Variants in KCNG2 observed in about 807,000 individuals in gnomAD.
KCNG2 encodes voltage-gated potassium channel regulatory subunit KCNG2.
In KCNG2, 7 loss-of-function variants were observed where a neutral mutation model predicts 12.3. The ratio of observed to expected loss-of-function variants is 0.57; its 90% CI spans 0.32 to 1.07. KCNG2 has a LOEUF of 1.07. KCNG2 is among the 50% of genes least tolerant of loss of function. The pLI is 0.04. For synonymous variants in KCNG2, 414 were observed against 351.4 expected (o/e 1.18, Z -1.99); for missense variants, 703 against 726.0 (o/e 0.97, Z 0.36).
chr18:79,891,405 A>G (rs1980739721), intron 3 of KCNG2, among the ~76,000 whole-genome samples: 2 of 151,792 alleles, frequency 1.3e-5, no homozygotes, highest in South Asian at 4.2e-4. Flanking sequence ...TAATTTTTGT[A>G]TGTCTCGTAG....
chr18:79,864,067 C>A lies in KCNG2; in HGVS notation c.400C>A (p.Arg134Ser). The A allele has an allele frequency of 9.3e-7, 1 of 1,079,502 alleles. No individual in the cohort carries two copies. Among genetic ancestry groups the A allele is most frequent in the South Asian group, 4.4e-5 (1 of 22,816 alleles). 66.9% of individuals were successfully genotyped at this position (1,079,502 alleles called of 1,614,324 possible). The change falls in exon 3 of 4, where the codon CGC becomes AGC. Residue 134 changes from arginine to serine, a missense_variant. Transcript: ENST00000316249. ...CCGCGAGGAGGAGGCGGCCGAGGCCCGCGCGGGGCCGACGGAGCGCGGGGC... is the reference window on the plus strand; with the variant it reads ...CCGCGAGGAGGAGGCGGCCGAGGCCAGCGCGGGGCCGACGGAGCGCGGGGC... Reference protein sequence around the residue: ...RRREEEAAEARAGPTERGAQG... With the variant: ...RRREEEAAEASAGPTERGAQG...
chr18:79,875,445 G>C lies in KCNG2; in HGVS notation c.624+11154G>C, dbSNP rs114632834. On this transcript the variant is annotated intron_variant, in intron 3 of 3. Transcript: ENST00000316249. ...CTGAACCTCCACATACAAAGAGATTGTTTCCCTAAATCTCAGGGTCTTCAT... is the reference window on the plus strand; with the variant it reads ...CTGAACCTCCACATACAAAGAGATTCTTTCCCTAAATCTCAGGGTCTTCAT... 3.5e-3 allele frequency among the ~76,000 whole-genome samples: 533 copies of C among 152,296 alleles called. 3 individuals carry two copies. Among genetic ancestry groups the C allele is most frequent in the African/African-American group, 0.012 (517 of 41,568 alleles).
chr18:79,800,637 C>G lies in KCNG2; in HGVS notation c.-115+2623C>G, dbSNP rs531536919. Among the ~76,000 whole-genome samples, 18 of 152,216 alleles carry G rather than the reference C, an allele frequency of 1.2e-4. No individual in the cohort carries two copies. The highest frequency in any genetic ancestry group is 2.1e-4 in the Non-Finnish European group (14 of 68,040). ...TGGTGTCGGAGAAACAGCACTGGCT[C>G]CTTCACAGCCGCGGCTTTCCGGCAG... On this transcript the variant is annotated intron_variant, in intron 1 of 3. Transcript: ENST00000316249. The surrounding 1 kb of genome is among the most constrained non-coding windows in gnomAD (Gnocchi z 4.0).
rs748333709 is a variant in KCNG2, at chr18:79,899,385, C to T, written c.970C>T (p.Leu324=). The change falls in exon 4 of 4, where the codon CTG becomes TTG. Residue 324 remains leucine (L), a synonymous_variant. Transcript: ENST00000316249. ...TMRRCAREFG[L]LLLFLCVAMA... is the part of the protein sequence containing the mutation. Reference sequence around the variant, plus strand: ...GCGCCGCTGCGCGCGCGAGTTCGGGCTGCTGCTGCTGTTCCTCTGCGTGGC... The same window carrying T: ...GCGCCGCTGCGCGCGCGAGTTCGGGTTGCTGCTGCTGTTCCTCTGCGTGGC... 8 of 1,566,166 alleles carry T rather than the reference C, an allele frequency of 5.1e-6. No homozygotes were observed. In the Admixed American group the frequency reaches 9.2e-5, roughly 18 times the overall value.
chr18:79,854,858 A>AT (rs1225165579), intron 1 of KCNG2, among the ~76,000 whole-genome samples: 2 of 151,892 alleles, frequency 1.3e-5, no homozygotes, highest in Non-Finnish European at 2.9e-5. Flanking sequence ...ACTTTTGGTG[A>AT]TTTTACTTTC....
chr18:79,879,756 C>T (rs920560954), intron 3 of KCNG2, among the ~76,000 whole-genome samples: 5 of 152,094 alleles, frequency 3.3e-5, no homozygotes, highest in Non-Finnish European at 7.4e-5. Context: ...CCAACCAGTG[C>T]ACGAATCCCC....
chr18:79,890,636 C>A (rs889769263), intron 3 of KCNG2, among the ~76,000 whole-genome samples: 1 of 152,168 alleles, frequency 6.6e-6, no homozygotes, highest in African/African-American at 2.4e-5. Context: ...GACAAGACAT[C>A]GTTCTTTCTG....
rs948006539 is a variant in KCNG2, at chr18:79,884,524, T to C, written c.625-14516T>C. Among the ~76,000 whole-genome samples, 3 of 151,442 alleles carry C rather than the reference T, an allele frequency of 2.0e-5. No individual in the cohort carries two copies. Among genetic ancestry groups the C allele is most frequent in the Non-Finnish European group, 2.9e-5 (2 of 67,858 alleles). ...GGAGAGCCAGGCTGTGATGTCCCGATGCAGTGGAGGAGCAGGGCTGGGTCT... is the reference window on the plus strand; with the variant it reads ...GGAGAGCCAGGCTGTGATGTCCCGACGCAGTGGAGGAGCAGGGCTGGGTCT... On this transcript the variant is annotated intron_variant, in intron 3 of 3. Coordinates refer to ENST00000316249, the MANE Select transcript of KCNG2 (RefSeq NM_012283.2). This position sits in a 1 kb window ranked among gnomAD's most constrained non-coding sequence, Gnocchi z 5.5.
chr18:79,863,652 C>A lies in KCNG2; in HGVS notation c.-16C>A. 8.3e-7 allele frequency: 1 copy of A among 1,211,926 alleles called. No individual in the cohort carries two copies. The highest frequency in any genetic ancestry group is 3.4e-5 in the East Asian group (1 of 29,506). The allele number at this position is 1,211,926 out of a possible 1,614,324, so 75.1% of individuals were successfully genotyped here. A position where few individuals can be genotyped will look rare whatever the true frequency, so the allele number is the denominator to read the frequency against. On this transcript the variant is annotated 5_prime_UTR_variant, in exon 3 of 4. Coordinates refer to ENST00000316249, the MANE Select transcript of KCNG2 (RefSeq NM_012283.2). ...GGAGCCGGGCAGGAGCCCCTCGGTCCGGTCCGGCCCTGCGCATGGAGCCAT... is the reference window on the plus strand; with the variant it reads ...GGAGCCGGGCAGGAGCCCCTCGGTCAGGTCCGGCCCTGCGCATGGAGCCAT...
intron 3 of KCNG2, among the ~76,000 whole-genome samples, chr18:79,879,881 G>A (rs547761348): frequency 7.9e-5 from 12 of 152,274 alleles, no homozygotes; most frequent in African/African-American, 2.9e-4. Flanking sequence ...CCCACCAAAG[G>A]CAGGACAGGA....
At chr18:79,823,574 A>G (rs2087588331) in intron 1 of KCNG2, among the ~76,000 whole-genome samples, 1 of 151,768 alleles carries the variant, frequency 6.6e-6, no homozygotes, top group Admixed American at 6.6e-5. Context: ...CATGTTTTCC[A>G]TACGTGTGAG....
intron 3 of KCNG2, among the ~76,000 whole-genome samples, chr18:79,893,074 G>A (rs11081571): frequency 0.9 from 136,303 of 150,736 alleles, 63,162 homozygotes; most frequent in East Asian, 1. Context: ...TGGGTTGTTC[G>A]CTCCATTCAC....
intron 1 of KCNG2, among the ~76,000 whole-genome samples, chr18:79,837,316 G>T (rs967782320): frequency 6.6e-6 from 1 of 152,212 alleles, no homozygotes; most frequent in Non-Finnish European, 1.5e-5. Context: ...GCTTTGCAGG[G>T]CACAGCCCCC....
intron 3 of KCNG2, among the ~76,000 whole-genome samples, chr18:79,878,304 G>GC (rs397933648): frequency 0.037 from 1,824 of 48,840 alleles, 127 homozygotes; most frequent in East Asian, 0.16. Flanking sequence ...GGCACCTGAT[G>GC]CCACGTGGCA....
rs146429426 is a variant in KCNG2 at position 79,891,136 on chromosome 18, G to A, written c.625-7904G>A. 4.5e-3 allele frequency among the ~76,000 whole-genome samples: 684 copies of A among 152,100 alleles called. 5 individuals carry two copies. Among genetic ancestry groups the A allele is most frequent in the African/African-American group, 0.015 (633 of 41,500 alleles). ...ACTTTTGTTTTCCCAGTTGTCTTAG[G>A]GTGGAGTGTGAGCTTATTAATTTGA... On this transcript the variant is annotated intron_variant, in intron 3 of 3. Coordinates refer to ENST00000316249, the MANE Select transcript of KCNG2 (RefSeq NM_012283.2).
intron 1 of KCNG2, among the ~76,000 whole-genome samples, chr18:79,813,409 T>G (rs552383123): frequency 6.6e-6 from 1 of 152,258 alleles, no homozygotes; most frequent in South Asian, 2.1e-4. Context: ...TTTTGACAAA[T>G]CCAACATCTA....
At chr18:79,799,128 C>T (rs1039314965) in intron 1 of KCNG2, among the ~76,000 whole-genome samples, 1 of 152,202 alleles carries the variant, frequency 6.6e-6, no homozygotes, top group African/African-American at 2.4e-5. Context: ...AAGTGAGCGC[C>T]GGGCAGATTG....
intron 2 of KCNG2, among the ~76,000 whole-genome samples, chr18:79,861,898 G>A (rs376763374): frequency 2.0e-5 from 3 of 152,098 alleles, no homozygotes; most frequent in South Asian, 2.1e-4. Context: ...TTTCTTCAGC[G>A]TGTTCATAGC....
At chr18:79,843,681 T>C (rs1049095830) in intron 1 of KCNG2, among the ~76,000 whole-genome samples, 2 of 152,194 alleles carry the variant, frequency 1.3e-5, no homozygotes, top group African/African-American at 4.8e-5. Context: ...CTAAAAGATA[T>C]TTTATGTATG....
Sources: gnomAD v4.1 joint callset for allele counts (sites outside exome capture counted in the v4.1 genomes callset) on GRCh38, gnomAD v4.1.1 for gene constraint, Gnocchi (gnomAD v3.1) non-coding constraint, MANE v1.5 for transcripts, NCBI Gene and HGNC (gene_info 2026-07-23, HGNC 2026-07-21) for gene names.